SPON2: variants seen among roughly 807,000 people sequenced by gnomAD.
SPON2 encodes the protein spondin 2.
SPON2 carries 32 observed loss-of-function variants against 29.9 expected under a neutral mutation model. That is an observed-to-expected ratio of 1.07 (90% CI 0.81 to 1.44). SPON2 has a LOEUF of 1.44. Among genes scored for constraint, SPON2 ranks in the 40% most tolerant of loss-of-function variants. SPON2 has a pLI of 0.00. For missense variants in SPON2, 541 were observed against 455.5 expected (o/e 1.19, Z -1.71); for synonymous variants, 248 against 209.1 (o/e 1.19, Z -1.61).
At chr4:1,198,667 C>T (rs148259721), upstream of SPON2, among the ~76,000 whole-genome samples, 404 of 152,066 alleles carry the variant, frequency 2.7e-3, 3 homozygotes, top group African/African-American at 9.3e-3. Context: ...CCCAACACAG[C>T]GTCGGCAGCA....
rs368509883 is a variant in SPON2 at position 1,170,878 on chromosome 4, C to T, written c.636+121G>A. 4.2e-5 allele frequency: 57 copies of T among 1,360,012 alleles called. No homozygotes were observed. In the African/African-American group the frequency reaches 7.6e-4, roughly 18 times the overall value. 84.2% of individuals were successfully genotyped at this position (1,360,012 alleles called of 1,614,324 possible). A position where few individuals can be genotyped will look rare whatever the true frequency, so the allele number is the denominator to read the frequency against. On this transcript the variant is annotated intron_variant, in intron 4 of 5. Coordinates refer to ENST00000290902, the MANE Select transcript of SPON2 (RefSeq NM_012445.4). ...ACTGCTGGCGCTAGAAGCAGAGCCT[C>T]TTCCACACAAAAGCCGCAAGCGGCT...
At chr4:1,201,730 C>A (rs1425346576) in intron 1 of SPON2, among the ~76,000 whole-genome samples, 2 of 152,056 alleles carry the variant, frequency 1.3e-5, no homozygotes, top group Non-Finnish European at 2.9e-5. Context: ...TTACAGGCGC[C>A]GGTTGCCACG....
At chr4:1,196,516 G>T (rs1728073815), upstream of SPON2, among the ~76,000 whole-genome samples, 1 of 152,164 alleles carries the variant, frequency 6.6e-6, no homozygotes, top group African/African-American at 2.4e-5. Context: ...GGTGACCAGG[G>T]TTACTCCCGA....
At chr4:1,205,626 G>A (rs1728322698) in intron 1 of SPON2, among the ~76,000 whole-genome samples, 1 of 152,232 alleles carries the variant, frequency 6.6e-6, no homozygotes, top group African/African-American at 2.4e-5. Flanking sequence ...TTTGCCAGCA[G>A]TGCCTACGGC....
intron 1 of SPON2, chr4:1,194,978 C>A (rs1256813527): frequency 6.7e-6 from 1 of 149,286 alleles, no homozygotes; most frequent in Non-Finnish European, 1.5e-5. Context: ...ACCCCGCAGC[C>A]GGCGGCCTCA....
intron 5 of SPON2, among the ~76,000 whole-genome samples, chr4:1,168,817 C>T (rs758407959): frequency 7.2e-5 from 11 of 152,224 alleles, no homozygotes; most frequent in Non-Finnish European, 1.6e-4. Context: ...GGACAGGCAT[C>T]CAGCGTGTGA....
chr4:1,182,486 G>A (rs972149479), intron 1 of SPON2, among the ~76,000 whole-genome samples: 1 of 152,168 alleles, frequency 6.6e-6, no homozygotes, highest in Non-Finnish European at 1.5e-5. Flanking sequence ...GCAGATTTGA[G>A]CAGGCAGAAG....
At chr4:1,190,679 AT>A (rs1316990778) in intron 1 of SPON2, among the ~76,000 whole-genome samples, 1 of 152,254 alleles carries the variant, frequency 6.6e-6, no homozygotes, top group African/African-American at 2.4e-5. Context: ...AACTATTTCT[AT>A]TTGCAGATGA....
intron 1 of SPON2, among the ~76,000 whole-genome samples, chr4:1,186,056 A>G (rs1254235409): frequency 5.4e-5 from 8 of 148,168 alleles, no homozygotes; most frequent in Admixed American, 2.1e-4. Context: ...CATCCTGGCT[A>G]ACACGGTGAA....
chr4:1,191,719 G>A (rs1375565568), intron 1 of SPON2, among the ~76,000 whole-genome samples: 14 of 152,230 alleles, frequency 9.2e-5, no homozygotes, highest in Non-Finnish European at 1.3e-4. Flanking sequence ...GGAGTGCAAG[G>A]ACAGAGGCCT....
intron 5 of SPON2, 99 bp from the exon 6 acceptor site, chr4:1,167,755 G>A (rs1727293462): frequency 7.5e-7 from 1 of 1,340,206 alleles, no homozygotes; most frequent in Non-Finnish European, 1.0e-6. Context: ...TTCATCAGAG[G>A]CCACGCCCAC....
intron 1 of SPON2, among the ~76,000 whole-genome samples, chr4:1,188,934 T>C (rs1238822981): frequency 2.0e-5 from 3 of 152,194 alleles, no homozygotes; most frequent in African/African-American, 7.2e-5. Context: ...CCCGATGTTG[T>C]CATAAAATAA....
At chr4:1,177,592 G>A (rs1025438841), upstream of SPON2, among the ~76,000 whole-genome samples, 1 of 151,982 alleles carries the variant, frequency 6.6e-6, no homozygotes, top group Non-Finnish European at 1.5e-5. Context: ...TTCGCCTCAG[G>A]CTGTGGCCCT....
Position 1,167,234 on chromosome 4 carries a change from G to A in SPON2, c.*238C>T. On this transcript the variant is annotated 3_prime_UTR_variant, in exon 6 of 6. Coordinates refer to ENST00000290902, the MANE Select transcript of SPON2 (RefSeq NM_012445.4). ...TTATCCTGCAGGAGGAGGAGGCTGAGAGCAGACGGGACACGGGGGCCCCTA... is the reference window on the plus strand; with the variant it reads ...TTATCCTGCAGGAGGAGGAGGCTGAAAGCAGACGGGACACGGGGGCCCCTA... 1 of 497,094 alleles carries A rather than the reference G, an allele frequency of 2.0e-6. No homozygotes were observed. Among genetic ancestry groups the A allele is most frequent in the Non-Finnish European group, 3.6e-6 (1 of 280,014 alleles). 30.8% of individuals were successfully genotyped at this position (497,094 alleles called of 1,614,324 possible). A position where few individuals can be genotyped will look rare whatever the true frequency, so the allele number is the denominator to read the frequency against.
upstream of SPON2, among the ~76,000 whole-genome samples, chr4:1,177,634 G>T (rs1021847577): frequency 5.3e-5 from 8 of 152,292 alleles, no homozygotes; most frequent in South Asian, 1.0e-3. Context: ...GATCCCTTCA[G>T]GGGGCAGGGG....
upstream of SPON2, chr4:1,197,069 G>C (rs1414350964): frequency 6.6e-6 from 1 of 152,264 alleles, no homozygotes; most frequent in Non-Finnish European, 1.5e-5. Context: ...ACAGGACGGG[G>C]ACATGATGAG....
chr4:1,185,971 G>T (rs569370863), intron 1 of SPON2, among the ~76,000 whole-genome samples: 1 of 151,876 alleles, frequency 6.6e-6, no homozygotes, highest in African/African-American at 2.4e-5. Flanking sequence ...CTGGCCGGGC[G>T]TGGTGGCTCA....
At chr4:1,170,162 CCTT>C in intron 5 of SPON2, 1 of 503,830 alleles carries the variant, frequency 2.0e-6, no homozygotes, top group Admixed American at 3.9e-5. Flanking sequence ...TCTGGAGCCT[CCTT>C]TCATTCTTTC....
intron 1 of SPON2, among the ~76,000 whole-genome samples, chr4:1,188,102 T>C (rs1577906108): frequency 6.9e-6 from 1 of 144,106 alleles, no homozygotes. Flanking sequence ...TCCCAGCTAC[T>C]CAGGAGGCTG....
Sources: gnomAD v4.1 joint callset for allele counts (sites outside exome capture counted in the v4.1 genomes callset) on GRCh38, gnomAD v4.1.1 for gene constraint, MANE v1.5 for transcripts, NCBI Gene and HGNC (gene_info 2026-07-23, HGNC 2026-07-21) for gene names.